The following FBLN2 variants were observed in gnomAD, a reference collection of about 807,000 sequenced individuals.
FBLN2 encodes the protein fibulin 2.
A neutral mutation model predicts 123.7 loss-of-function variants in FBLN2; 81 were observed. The ratio of observed to expected loss-of-function variants is 0.65; its 90% CI spans 0.55 to 0.79. The LOEUF is 0.79. Ranked by LOEUF, FBLN2 falls within the 30% of genes least tolerant of loss-of-function variation. The pLI, the probability that FBLN2 is intolerant of heterozygous loss-of-function variation, is 0.00. For synonymous variants in FBLN2, 699 were observed against 701.4 expected (o/e 1.00, Z 0.05); for missense variants, 1,603 against 1,681.3 (o/e 0.95, Z 0.81).
chr3:13,583,357 G>C (rs767992644), intron 2 of FBLN2, among the ~76,000 whole-genome samples: 6 of 152,282 alleles, frequency 3.9e-5, no homozygotes, highest in Non-Finnish European at 7.3e-5. Context: ...GGCCCAGGCA[G>C]GTTAAGTGAA....
rs570333881 is a variant in FBLN2 at position 13,560,001 on chromosome 3, C to T, written c.-41-10314C>T. Among the ~76,000 whole-genome samples the T allele has an allele frequency of 9.8e-5, 15 of 152,316 alleles. No homozygotes were observed. In the South Asian group the frequency reaches 2.5e-3, roughly 25 times the overall value. ...CTTGGCCGTGGGCAGCCTCATTTCT[C>T]ATCGCTCCCACCCTGGGAGTGTTTC... is the stretch of plus-strand genomic sequence containing the variant. On this transcript the variant is annotated intron_variant, in intron 1 of 17. Coordinates refer to ENST00000404922, the MANE Select transcript of FBLN2 (RefSeq NM_001004019.2).
chr3:13,551,117 C>T (rs1228593769), intron 1 of FBLN2, among the ~76,000 whole-genome samples: 4 of 152,308 alleles, frequency 2.6e-5, no homozygotes, highest in South Asian at 2.1e-4. Context: ...GCCTGGCCTG[C>T]GTGGCCTTTG....
At chr3:13,634,832 A>T (rs958389834) in intron 16 of FBLN2, among the ~76,000 whole-genome samples, 3 of 152,216 alleles carry the variant, frequency 2.0e-5, no homozygotes, top group South Asian at 2.1e-4. Context: ...CCTGGCAGCT[A>T]TGTGACCCTG....
chr3:13,584,524 C>T (rs966502727), intron 2 of FBLN2, among the ~76,000 whole-genome samples: 3 of 152,188 alleles, frequency 2.0e-5, no homozygotes, highest in African/African-American at 7.2e-5. Context: ...GGACCAGCAA[C>T]AGTGGGAGCT....
At chr3:13,586,990 C>T (rs1265663596) in intron 2 of FBLN2, among the ~76,000 whole-genome samples, 7 of 150,928 alleles carry the variant, frequency 4.6e-5, no homozygotes, top group Non-Finnish European at 8.9e-5. Flanking sequence ...ACTAAAAATA[C>T]AAAAATTAGC....
chr3:13,610,089 A>G (rs1052653531), intron 4 of FBLN2, among the ~76,000 whole-genome samples: 1 of 152,172 alleles, frequency 6.6e-6, no homozygotes, highest in Non-Finnish European at 1.5e-5. Flanking sequence ...GTGGCCAGGG[A>G]CAGCCTCACT....
intron 9 of FBLN2, 30 bp downstream of exon 9, chr3:13,621,945 G>C: frequency 1.2e-6 from 2 of 1,603,510 alleles, no homozygotes; most frequent in South Asian, 1.1e-5. Context: ...GCCGCCCGCC[G>C]TCACAGCTCT....
intron 1 of FBLN2, chr3:13,569,196 TGAGAG>T (rs1703841404): frequency 6.6e-6 from 2 of 304,410 alleles, no homozygotes; most frequent in South Asian, 2.6e-4. Context: ...TTGTGCAAGA[TGAGAG>T]GGGAGAAGAG....
At chr3:13,584,464 G>A (rs757229340) in intron 2 of FBLN2, among the ~76,000 whole-genome samples, 6 of 152,210 alleles carry the variant, frequency 3.9e-5, no homozygotes, top group Admixed American at 6.5e-5. Flanking sequence ...TCATGGTGAG[G>A]CTACATGGAG....
intron 1 of FBLN2, among the ~76,000 whole-genome samples, chr3:13,559,561 G>A (rs1178292266): frequency 6.6e-6 from 1 of 152,114 alleles, no homozygotes; most frequent in Non-Finnish European, 1.5e-5. Flanking sequence ...CTGTTGCAAG[G>A]GGAATGGGAA....
chr3:13,625,452 TC>T (rs1274283887), intron 9 of FBLN2, among the ~76,000 whole-genome samples: 1 of 152,102 alleles, frequency 6.6e-6, no homozygotes, highest in Non-Finnish European at 1.5e-5. Context: ...AAGTTAGTAT[TC>T]CCACTCAGAC....
chr3:13,614,486 A>C (rs890244400), intron 5 of FBLN2, among the ~76,000 whole-genome samples: 1 of 152,008 alleles, frequency 6.6e-6, no homozygotes. Flanking sequence ...CATCCATTGC[A>C]CTTGTCTCCC....
At chr3:13,614,527 C>G (rs1205804178) in intron 5 of FBLN2, among the ~76,000 whole-genome samples, 1 of 152,126 alleles carries the variant, frequency 6.6e-6, no homozygotes, top group African/African-American at 2.4e-5. Flanking sequence ...GTCCATCTCT[C>G]CATCCATTCA....
At chr3:13,575,414 C>T (rs1704102999) in intron 2 of FBLN2, among the ~76,000 whole-genome samples, 1 of 152,114 alleles carries the variant, frequency 6.6e-6, no homozygotes, top group South Asian at 2.1e-4. Flanking sequence ...CTTCCATTCC[C>T]TGCACACCAA....
intron 1 of FBLN2, among the ~76,000 whole-genome samples, chr3:13,559,924 G>A (rs1314466216): frequency 1.3e-5 from 2 of 152,144 alleles, no homozygotes; most frequent in Non-Finnish European, 2.9e-5. Flanking sequence ...CTCCTTCTAG[G>A]GTCGGGTGGA....
intron 2 of FBLN2, among the ~76,000 whole-genome samples, chr3:13,574,837 C>T (rs1315749321): frequency 1.3e-5 from 2 of 152,196 alleles, no homozygotes; most frequent in African/African-American, 2.4e-5. Flanking sequence ...CCCCAAGAGG[C>T]TCAGTTGGGC....
intron 5 of FBLN2, among the ~76,000 whole-genome samples, chr3:13,615,182 G>A (rs939575515): frequency 6.6e-6 from 1 of 152,242 alleles, no homozygotes; most frequent in Non-Finnish European, 1.5e-5. Flanking sequence ...GTCTGCAGGA[G>A]CCTGATGAGG....
chr3:13,578,614 C>A (rs934555969), intron 2 of FBLN2, among the ~76,000 whole-genome samples: 2 of 152,190 alleles, frequency 1.3e-5, no homozygotes, highest in Non-Finnish European at 2.9e-5. Flanking sequence ...ATTATTCTTC[C>A]AGCTTTTCAG....
intron 16 of FBLN2, among the ~76,000 whole-genome samples, chr3:13,634,246 G>T (rs549204552): frequency 6.6e-6 from 1 of 152,362 alleles, no homozygotes; most frequent in East Asian, 1.9e-4. Context: ...GGCTGACCCT[G>T]GCTGTCTCTG....
Sources: allele counts gnomAD v4.1 joint callset (sites outside exome capture counted in the v4.1 genomes callset), GRCh38; gene constraint gnomAD v4.1.1; transcripts MANE v1.5; gene names NCBI Gene and HGNC (gene_info 2026-07-23, HGNC 2026-07-21).